SYT16: variants seen among roughly 807,000 people sequenced by gnomAD.
SYT16 encodes synaptotagmin 16, also known as synaptotagmin-16.
In SYT16, 42 loss-of-function variants were observed where a neutral mutation model predicts 61.4. That is an observed-to-expected ratio of 0.68 (90% CI 0.53 to 0.89). The LOEUF (loss-of-function observed/expected upper bound fraction) is 0.89. Ranked by LOEUF, SYT16 falls within the 40% of genes least tolerant of loss-of-function variation. The pLI is 0.00. For missense variants in SYT16, 804 were observed against 807.3 expected, an observed-to-expected ratio of 1.00 and a Z score of 0.05; for synonymous variants, 314 against 302.3, an observed-to-expected ratio of 1.04 and a Z score of -0.40.
Position 61,996,141 on chromosome 14 carries a change from A to G in SYT16, c.122A>G (p.Asn41Ser). ...AGDMLSASLVNISKQDSKLSD... is the reference protein window; with the variant it reads ...AGDMLSASLVSISKQDSKLSD... ...GATATGTTATCTGCTTCGCTGGTTA[A>G]CATAAGCAAACAAGACTCTAAATTG... Residue 41 changes from asparagine (N) to serine (S), a missense_variant, in exon 3 of 8, where the codon AAC (asparagine) becomes AGC (serine). Asn to Ser is a conservative substitution (Grantham distance 46). Transcript: ENST00000683842. The G allele has an allele frequency of 6.2e-7, 1 of 1,613,410 alleles. No homozygotes were observed. Among genetic ancestry groups the G allele is most frequent in the Non-Finnish European group, 8.5e-7 (1 of 1,179,550 alleles).
chr14:62,042,010 C>T (rs1435518358), intron 3 of SYT16, among the ~76,000 whole-genome samples: 1 of 152,152 alleles, frequency 6.6e-6, no homozygotes, highest in African/African-American at 2.4e-5. Flanking sequence ...CTATCAGGTT[C>T]AATCTGTTGT....
intron 6 of SYT16, among the ~76,000 whole-genome samples, chr14:62,083,936 C>T (rs747226721): frequency 4.6e-5 from 7 of 152,144 alleles, no homozygotes; most frequent in Non-Finnish European, 1.0e-4. Context: ...CTAGTAATAA[C>T]GTCTTTGTCC....
At chr14:61,886,244 G>C (rs576729298) in intron 1 of SYT16, among the ~76,000 whole-genome samples, 1 of 151,928 alleles carries the variant, frequency 6.6e-6, no homozygotes, top group African/African-American at 2.4e-5. Context: ...GATTACAGGC[G>C]TGAGCCACCG....
intron 7 of SYT16, among the ~76,000 whole-genome samples, chr14:62,087,811 A>C (rs2056936783): frequency 6.6e-6 from 1 of 152,202 alleles, no homozygotes; most frequent in Non-Finnish European, 1.5e-5. Context: ...TAAGCCACTG[A>C]GATAGAAACC....
chr14:61,827,404 CA>C, intron 1 of SYT16, among the ~76,000 whole-genome samples: 1 of 152,124 alleles, frequency 6.6e-6, no homozygotes. Context: ...TCTCATCTTC[CA>C]AAAATGTGTT....
At chr14:61,901,313 G>A (rs1172358174) in intron 1 of SYT16, among the ~76,000 whole-genome samples, 3 of 152,150 alleles carry the variant, frequency 2.0e-5, no homozygotes, top group Non-Finnish European at 4.4e-5. Context: ...GCAAATACAA[G>A]GCACGTAATA....
chr14:61,991,805 T>C (rs1454602755), intron 2 of SYT16, among the ~76,000 whole-genome samples: 1 of 152,210 alleles, frequency 6.6e-6, no homozygotes, highest in Admixed American at 6.5e-5. Context: ...TACAATGTTC[T>C]GTGGCACACA....
At chr14:61,974,926 C>CT (rs2051720810) in intron 2 of SYT16, among the ~76,000 whole-genome samples, 1 of 152,236 alleles carries the variant, frequency 6.6e-6, no homozygotes, top group Admixed American at 6.5e-5. Flanking sequence ...AGATTACTCT[C>CT]TGCTCTCTAC....
At chr14:61,884,194 T>A (rs1037125062) in intron 1 of SYT16, among the ~76,000 whole-genome samples, 1 of 152,174 alleles carries the variant, frequency 6.6e-6, no homozygotes, top group Non-Finnish European at 1.5e-5. Flanking sequence ...AGGACTATTT[T>A]TCAATAATAG....
intron 1 of SYT16, among the ~76,000 whole-genome samples, chr14:61,865,753 AT>A (rs888346753): frequency 6.6e-6 from 1 of 151,736 alleles, no homozygotes; most frequent in Non-Finnish European, 1.5e-5. Context: ...GGGAATCATC[AT>A]TTTTTTTCAG....
At chr14:61,851,313 A>G (rs1343401400) in intron 1 of SYT16, among the ~76,000 whole-genome samples, 1 of 152,190 alleles carries the variant, frequency 6.6e-6, no homozygotes, top group African/African-American at 2.4e-5. Flanking sequence ...TCTATCATTG[A>G]TGGGCATTTA....
rs150901095 is a variant in SYT16 at position 61,848,974 on chromosome 14, C to T, written c.-325+36164C>T. Among the ~76,000 whole-genome samples, 637 of 152,278 alleles carry T rather than the reference C, an allele frequency of 4.2e-3. 8 individuals are homozygous for T. Among genetic ancestry groups the T allele is most frequent in the African/African-American group, 0.014 (590 of 41,568 alleles). Reference sequence around the variant, plus strand: ...ATGCAAGGCCCACAGCACATATTACCTGGTTGTTGCTACAAATTTTTCAGG... The same window carrying T: ...ATGCAAGGCCCACAGCACATATTACTTGGTTGTTGCTACAAATTTTTCAGG... On this transcript the variant is annotated intron_variant, in intron 1 of 7. Transcript: ENST00000683842.
chr14:61,912,141 T>C (rs2048956714), intron 1 of SYT16, among the ~76,000 whole-genome samples: 1 of 152,176 alleles, frequency 6.6e-6, no homozygotes, highest in Non-Finnish European at 1.5e-5. Context: ...CCAGTTAATA[T>C]TTGATACTAC....
Position 62,011,926 on chromosome 14 carries a change from C to CACATATATATAT in SYT16, c.523+15385_523+15386insCATATATATATA, listed in dbSNP as rs1555370087. 7.9e-4 allele frequency among the ~76,000 whole-genome samples: 105 copies of CACATATATATAT among 132,816 alleles called. 1 individual carries two copies. The highest frequency in any genetic ancestry group is 1.3e-3 in the East Asian group (6 of 4,776). 87.1% of individuals were successfully genotyped at this position (132,816 alleles called of 152,430 possible). On this transcript the variant is annotated intron_variant, in intron 3 of 7. Coordinates refer to ENST00000683842, the MANE Select transcript of SYT16 (RefSeq NM_001367656.1). ...ACACATATATATACACACACACACA[C>CACATATATATAT]ATATATATATATATATTTGATGCTG...
chr14:61,894,925 G>T (rs914726000), intron 1 of SYT16, among the ~76,000 whole-genome samples: 7 of 152,158 alleles, frequency 4.6e-5, no homozygotes, highest in Non-Finnish European at 1.0e-4. Flanking sequence ...TTGTTGGGGG[G>T]CAGTTTCTGG....
chr14:62,050,814 C>T (rs1171793441), intron 3 of SYT16, among the ~76,000 whole-genome samples: 2 of 152,046 alleles, frequency 1.3e-5, no homozygotes, highest in Admixed American at 6.5e-5. Context: ...AATGCTGCTG[C>T]CTGATCATTC....
At chr14:61,981,683 C>T (rs750732601) in intron 2 of SYT16, among the ~76,000 whole-genome samples, 38 of 152,010 alleles carry the variant, frequency 2.5e-4, no homozygotes, top group South Asian at 6.2e-4. Context: ...AGAATTTGAC[C>T]CAGCAAATGA....
At chr14:62,087,601 A>G (rs941128603) in intron 7 of SYT16, among the ~76,000 whole-genome samples, 3 of 152,246 alleles carry the variant, frequency 2.0e-5, no homozygotes, top group Non-Finnish European at 4.4e-5. Context: ...ATGTTGCTGG[A>G]AAGAGAGACA....
chr14:62,044,707 G>T (rs942647522), intron 3 of SYT16, among the ~76,000 whole-genome samples: 1 of 152,114 alleles, frequency 6.6e-6, no homozygotes, highest in Non-Finnish European at 1.5e-5. Flanking sequence ...ATCATTGATG[G>T]GCATTTGGAT....
Sources: gnomAD v4.1 joint callset for allele counts (sites outside exome capture counted in the v4.1 genomes callset) on GRCh38, gnomAD v4.1.1 for gene constraint, MANE v1.5 for transcripts, NCBI Gene and HGNC (gene_info 2026-07-23, HGNC 2026-07-21) for gene names.